C6orf89: variants seen among roughly 807,000 people sequenced by gnomAD.
C6orf89 encodes bombesin receptor-activated protein C6orf89.
Under a neutral mutation model 40.7 loss-of-function variants are expected in C6orf89, and 29 were observed. That is an observed-to-expected ratio of 0.71 (90% CI 0.53 to 0.97). The LOEUF is 0.97. C6orf89 is among the 50% of genes least tolerant of loss of function. The pLI, the probability that C6orf89 is intolerant of heterozygous loss-of-function variation, is 0.00. For missense variants in C6orf89, 392 were observed against 429.1 expected, an observed-to-expected ratio of 0.91 and a Z score of 0.76; for synonymous variants, 165 against 152.2, an observed-to-expected ratio of 1.08 and a Z score of -0.62.
chr6:36,874,788 G>T (rs1188109475), intron 1 of C6orf89: 34 of 1,613,804 alleles, frequency 2.1e-5, no homozygotes, highest in Non-Finnish European at 2.9e-5. Flanking sequence ...AGCCGGCGGC[G>T]GAATGCTTGT....
chr6:36,874,565 C>T, intron 1 of C6orf89: 2 of 1,071,432 alleles, frequency 1.9e-6, no homozygotes, highest in African/African-American at 3.2e-5. Context: ...TGGCGGTCCC[C>T]TCTCAACCCT....
chr6:36,872,708 A>T (rs2150661951), intron 1 of C6orf89, among the ~76,000 whole-genome samples: 1 of 152,240 alleles, frequency 6.6e-6, no homozygotes, highest in Admixed American at 6.5e-5. Context: ...CCCGGGCTCA[A>T]GTGATCCTCT....
At chr6:36,904,803 C>G (rs6932672) in intron 4 of C6orf89, among the ~76,000 whole-genome samples, 3 of 152,240 alleles carry the variant, frequency 2.0e-5, no homozygotes, top group Admixed American at 1.3e-4. Context: ...TGGCCTGTCT[C>G]ACACTCCCAG....
chr6:36,897,874 G>A (rs2150688699), intron 2 of C6orf89, among the ~76,000 whole-genome samples: 1 of 152,188 alleles, frequency 6.6e-6, no homozygotes, highest in Middle Eastern at 3.4e-3. Context: ...CACGTACTAT[G>A]TCAGTACTTT....
At chr6:36,898,919 A>G (rs1426004416) in intron 2 of C6orf89, among the ~76,000 whole-genome samples, 6 of 152,220 alleles carry the variant, frequency 3.9e-5, no homozygotes, top group Admixed American at 1.3e-4. Context: ...CTCTGCCAAG[A>G]ACAAAGCTTA....
chr6:36,904,065 A>G (rs958115284), intron 4 of C6orf89, among the ~76,000 whole-genome samples: 3 of 152,098 alleles, frequency 2.0e-5, no homozygotes, highest in Non-Finnish European at 4.4e-5. Context: ...TCTTCCTCAG[A>G]CACACCAGTC....
intron 2 of C6orf89, among the ~76,000 whole-genome samples, chr6:36,898,990 G>C (rs1307302640): frequency 6.6e-6 from 1 of 152,070 alleles, no homozygotes. Context: ...TCTTCCTCTT[G>C]TGTTGAACAC....
intron 1 of C6orf89, chr6:36,874,594 G>T: frequency 1.5e-6 from 2 of 1,325,974 alleles, no homozygotes; most frequent in Non-Finnish European, 2.1e-6. Context: ...CGTCTCGGCC[G>T]CTGCTCCACG....
At position 36,927,284 on chromosome 6, in the gene C6orf89, T is replaced by C. The variant is rs939563203; in HGVS notation, c.*3843T>C. On this transcript the variant is annotated 3_prime_UTR_variant, in exon 9 of 9. Coordinates refer to ENST00000480824, the MANE Select transcript of C6orf89 (RefSeq NM_001286635.2). ...ACTTTAAAACAAAAACTCACATTTC[T>C]TAGCTGCAGGTGATGGCCTCAGTCA... The C allele has an allele frequency of 9.9e-5, 15 of 152,236 alleles. No individual in the cohort carries two copies. The highest frequency in any genetic ancestry group is 3.6e-4 in the African/African-American group (15 of 41,458). The allele number at this position is 152,236 out of a possible 1,614,324, so 9.4% of individuals were successfully genotyped here.
At chr6:36,910,498 C>G (rs1001880150) in intron 4 of C6orf89, among the ~76,000 whole-genome samples, 1 of 152,030 alleles carries the variant, frequency 6.6e-6, no homozygotes, top group South Asian at 2.1e-4. Flanking sequence ...GAGGCCAAGG[C>G]GGGTGGATTG....
chr6:36,875,805 A>G (rs1469636203), intron 1 of C6orf89, among the ~76,000 whole-genome samples: 1 of 152,268 alleles, frequency 6.6e-6, no homozygotes, highest in Non-Finnish European at 1.5e-5. Context: ...CAGATTAAAT[A>G]ACTTGCTTAA....
intron 4 of C6orf89, among the ~76,000 whole-genome samples, chr6:36,908,512 C>T (rs1228907187): frequency 1.3e-5 from 2 of 152,158 alleles, no homozygotes. Flanking sequence ...CTTTTCTACT[C>T]AAGCAACTGC....
At chr6:36,920,948 G>A (rs181209487) in intron 8 of C6orf89, among the ~76,000 whole-genome samples, 4 of 151,336 alleles carry the variant, frequency 2.6e-5, no homozygotes, top group South Asian at 2.1e-4. Flanking sequence ...ACGAGCAACC[G>A]GAATACCAAT....
rs1044895443 is a variant in C6orf89, at chr6:36,902,411, G to T, written c.380G>T (p.Gly127Val). Reference sequence around the variant, plus strand: ...AATAAGGGAGTTCCTCTGCATGGGGGTGATGAAGACAGACCCTTTCCAGGT... The same window carrying T: ...AATAAGGGAGTTCCTCTGCATGGGGTTGATGAAGACAGACCCTTTCCAGGT... ...SENKGVPLHG[G>V]DEDRPFPDFD... Residue 127 changes from glycine (G) to valine (V), a missense_variant, in exon 4 of 9, where the codon GGT becomes GTT. Physicochemically the swap from Gly to Val is moderately radical, Grantham distance 109. Coordinates refer to ENST00000480824, the MANE Select transcript of C6orf89 (RefSeq NM_001286635.2). The T allele has an allele frequency of 1.2e-6, 2 of 1,614,120 alleles. No individual in the cohort carries two copies. The highest frequency in any genetic ancestry group is 1.7e-6 in the Non-Finnish European group (2 of 1,179,990).
chr6:36,886,606 G>A (rs1774999829), intron 1 of C6orf89, among the ~76,000 whole-genome samples: 1 of 152,158 alleles, frequency 6.6e-6, no homozygotes, highest in African/African-American at 2.4e-5. Context: ...TTTTAAGACT[G>A]TTAACCGTGC....
intron 7 of C6orf89, among the ~76,000 whole-genome samples, chr6:36,918,777 C>CT (rs1389872389): frequency 6.6e-6 from 1 of 152,208 alleles, no homozygotes; most frequent in Non-Finnish European, 1.5e-5. Flanking sequence ...ATCCCTATTC[C>CT]TTGCCCTGGT....
chr6:36,873,164 C>G (rs1774554264), intron 1 of C6orf89, among the ~76,000 whole-genome samples: 1 of 152,198 alleles, frequency 6.6e-6, no homozygotes, highest in Non-Finnish European at 1.5e-5. Flanking sequence ...TTTGGAAAGA[C>G]AATCAGGAAG....
intron 1 of C6orf89, among the ~76,000 whole-genome samples, chr6:36,886,438 C>T (rs1262086693): frequency 1.3e-5 from 2 of 152,106 alleles, no homozygotes; most frequent in East Asian, 1.9e-4. Context: ...CGTTAGGGGG[C>T]AATAATTTTT....
In C6orf89 at chr6:36,923,576, A is replaced by G; in HGVS notation, c.*135A>G. 1 of 724,464 alleles carries G rather than the reference A, an allele frequency of 1.4e-6. No homozygotes were observed. Among genetic ancestry groups the G allele is most frequent in the South Asian group, 1.5e-5 (1 of 67,092 alleles). The allele number at this position is 724,464 out of a possible 1,614,324, so 44.9% of individuals were successfully genotyped here. The stretch of plus-strand genomic sequence containing the variant: ...ACCTGCCCTTTGCATGCATGTGTGA[A>G]CCAGCTGTGAGCTGCAAGGCAGTGG... On this transcript the variant is annotated 3_prime_UTR_variant, in exon 9 of 9. Coordinates refer to ENST00000480824, the MANE Select transcript of C6orf89 (RefSeq NM_001286635.2).
Sources: gnomAD v4.1 joint callset for allele counts (sites outside exome capture counted in the v4.1 genomes callset) on GRCh38, gnomAD v4.1.1 for gene constraint, MANE v1.5 for transcripts, NCBI Gene and HGNC (gene_info 2026-07-23, HGNC 2026-07-21) for gene names.